ZNF410: variants seen among roughly 807,000 people sequenced by gnomAD.
ZNF410 encodes another partner for ARF 1.
Under a neutral mutation model 54.8 loss-of-function variants are expected in ZNF410, and 18 were observed. That is an observed-to-expected ratio of 0.33 (90% confidence interval 0.23 to 0.49). The LOEUF is 0.49. ZNF410 is among the 20% of genes least tolerant of loss of function. ZNF410 has a pLI of 0.99. For synonymous variants in ZNF410, 191 were observed against 207.3 expected (o/e 0.92, Z 0.68); for missense variants, 405 against 569.6 (o/e 0.71, Z 2.94).
intron 11 of ZNF410, among the ~76,000 whole-genome samples, chr14:73,928,616 C>G (rs1331179540): frequency 1.3e-5 from 2 of 152,126 alleles, no homozygotes; most frequent in Non-Finnish European, 2.9e-5. Context: ...TGCCCACTTA[C>G]AGCCTCAGGG....
chr14:73,908,139 A>G (rs924032443), intron 7 of ZNF410, among the ~76,000 whole-genome samples: 1 of 152,120 alleles, frequency 6.6e-6, no homozygotes, highest in Admixed American at 6.6e-5. Flanking sequence ...CCCAAAGGCC[A>G]TGTTTTTCAC....
At chr14:73,895,976 G>A (rs2055311242) in intron 3 of ZNF410, among the ~76,000 whole-genome samples, 1 of 152,186 alleles carries the variant, frequency 6.6e-6, no homozygotes, top group Non-Finnish European at 1.5e-5. Context: ...TCTTGAGTTA[G>A]TATTCATTGT....
chr14:73,900,906 T>C (rs2055396342), intron 5 of ZNF410, among the ~76,000 whole-genome samples: 1 of 152,238 alleles, frequency 6.6e-6, no homozygotes, highest in African/African-American at 2.4e-5. Context: ...TCCAAGACAT[T>C]TCTTCTTTCA....
chr14:73,923,201 C>T (rs956679419), intron 10 of ZNF410, among the ~76,000 whole-genome samples, 194 bp from the exon 11 acceptor site: 11 of 152,130 alleles, frequency 7.2e-5, no homozygotes, highest in African/African-American at 2.7e-4. Context: ...GATTTCTTGC[C>T]TTTCTATTCT....
At chr14:73,908,844 G>GTTTTT (rs112439688) in intron 7 of ZNF410, among the ~76,000 whole-genome samples, 41 of 152,020 alleles carry the variant, frequency 2.7e-4, no homozygotes, top group African/African-American at 9.9e-4. Flanking sequence ...TTGTTTGTTT[G>GTTTTT]TTTTTTTGTT....
rs1443138351 is a variant in ZNF410 at position 73,923,420 on chromosome 14, T to C, written c.1296T>C (p.Arg432=). 6.2e-7 allele frequency: 1 copy of C among 1,613,756 alleles called. No individual in the cohort carries two copies. The highest frequency in any genetic ancestry group is 2.2e-5 in the East Asian group (1 of 44,874). The part of the protein sequence containing the change: ...DDEVLAEGSP[R]SLSSVPDVTH... The stretch of plus-strand genomic sequence containing the variant: ...AGGTGCTTGCTGAAGGATCCCCACG[T>C]TCCCTGTCTTCAGTGCCTGATGTGA... The change falls in exon 11 of 12, where the codon CGT becomes CGC. Residue 432 remains arginine (R), a synonymous_variant. Coordinates refer to ENST00000555044, the MANE Select transcript of ZNF410 (RefSeq NM_021188.3).
chr14:73,896,714 CAT>C lies in ZNF410; in HGVS notation c.388+183_388+184del, dbSNP rs1240009057. On this transcript the variant is annotated intron_variant, in intron 4 of 11. Transcript: ENST00000555044. ...GGAGAGGGAGGACTCTAGTATGACT[CAT>C]ATCTTGTTTGGGAAATTATGTAGTG... 1.5e-5 allele frequency: 9 copies of C among 599,372 alleles called. No individual in the cohort carries two copies. The Admixed American group carries it at 1.5e-4, about 10-fold the overall frequency. 37.1% of individuals were successfully genotyped at this position (599,372 alleles called of 1,614,324 possible). A position where few individuals can be genotyped will look rare whatever the true frequency, so the allele number is the denominator to read the frequency against.
At chr14:73,927,456 C>T (rs2055850300) in intron 11 of ZNF410, among the ~76,000 whole-genome samples, 1 of 152,198 alleles carries the variant, frequency 6.6e-6, no homozygotes, top group South Asian at 2.1e-4. Flanking sequence ...TTCAGGAAAA[C>T]CATCTCGTTT....
rs745825030 is a variant in ZNF410 at position 73,904,991 on chromosome 14, A to G, written c.821A>G (p.Asn274Ser). 2.3e-5 allele frequency: 37 copies of G among 1,614,066 alleles called. No individual in the cohort carries two copies. The highest frequency in any genetic ancestry group is 2.9e-5 in the Non-Finnish European group (34 of 1,180,046). Residue 274 changes from asparagine (N) to serine (S), a missense_variant, in exon 7 of 12, where the codon AAT (asparagine) becomes AGT (serine). Asn to Ser is a conservative substitution (Grantham distance 46). Transcript: ENST00000555044. ...QRLKVHMRTH[N>S]GEKPFMCHES... ...CTGAAGGTGCACATGAGGACCCACA[A>G]TGGAGAGAAGCCCTTTATGTGCCAT...
intron 8 of ZNF410, chr14:73,913,608 G>A (rs2055849477): frequency 6.6e-6 from 1 of 152,126 alleles, no homozygotes; most frequent in African/African-American, 2.4e-5. Context: ...TTTTACTTTT[G>A]TAAGTCCGCT....
intron 8 of ZNF410, among the ~76,000 whole-genome samples, chr14:73,911,598 G>A (rs1193531808): frequency 6.6e-6 from 1 of 152,138 alleles, no homozygotes. Flanking sequence ...ACTTTACTGT[G>A]TCAGATTATG....
chr14:73,896,124 T>C, intron 3 of ZNF410, 192 bp from the exon 4 acceptor site: 1 of 571,148 alleles, frequency 1.8e-6, no homozygotes, highest in Non-Finnish European at 3.1e-6. Flanking sequence ...CCTCACGTTT[T>C]GGCTGACTGC....
intron 10 of ZNF410, 67 bp from the exon 11 acceptor site, chr14:73,923,328 T>G (rs917134713): frequency 6.5e-7 from 1 of 1,539,526 alleles, no homozygotes; most frequent in Non-Finnish European, 8.8e-7. Context: ...AATGAGAGGC[T>G]TAATGATCCA....
At chr14:73,893,673 T>G in intron 2 of ZNF410, 124 bp from the exon 3 acceptor site, 1 of 1,062,572 alleles carries the variant, frequency 9.4e-7, no homozygotes, top group East Asian at 2.7e-5. Flanking sequence ...ATTATGTTGT[T>G]TAGTTTTTGT....
chr14:73,918,836 C>G (rs1315912398), intron 8 of ZNF410, among the ~76,000 whole-genome samples: 1 of 149,584 alleles, frequency 6.7e-6, no homozygotes, highest in Non-Finnish European at 1.5e-5. Context: ...GTAGCTGGGA[C>G]TACAGGCGCC....
intron 5 of ZNF410, among the ~76,000 whole-genome samples, chr14:73,899,445 G>A (rs1006507883): frequency 6.6e-6 from 1 of 151,974 alleles, no homozygotes; most frequent in African/African-American, 2.4e-5. Context: ...ACTTAGTTCT[G>A]TTTATGACTA....
At chr14:73,901,061 T>A (rs1386734720) in intron 5 of ZNF410, among the ~76,000 whole-genome samples, 1 of 152,206 alleles carries the variant, frequency 6.6e-6, no homozygotes, top group East Asian at 1.9e-4. Context: ...TCTAGCATAG[T>A]TTTTCAGAGC....
At chr14:73,912,331 G>A (rs1342129775) in intron 8 of ZNF410, among the ~76,000 whole-genome samples, 4 of 151,700 alleles carry the variant, frequency 2.6e-5, no homozygotes, top group Non-Finnish European at 5.9e-5. Flanking sequence ...CACCACGCCC[G>A]ACTAATTTTT....
At chr14:73,931,128 A>G (rs1026181195) in intron 11 of ZNF410, among the ~76,000 whole-genome samples, 8 of 152,018 alleles carry the variant, frequency 5.3e-5, no homozygotes, top group African/African-American at 1.5e-4. Context: ...TCCTTCTCCT[A>G]CTTGAGCCTT....
Sources: allele counts gnomAD v4.1 joint callset (sites outside exome capture counted in the v4.1 genomes callset), GRCh38; gene constraint gnomAD v4.1.1; transcripts MANE v1.5; gene names NCBI Gene and HGNC (gene_info 2026-07-23, HGNC 2026-07-21).